ZNF503: variants seen among roughly 807,000 people sequenced by gnomAD.
ZNF503 encodes zinc finger protein 503, also known as NocA-like zinc finger 2.
In ZNF503, 15 loss-of-function variants were observed where a neutral mutation model predicts 34.4. The observed-to-expected ratio is 0.44, with a 90% CI of 0.29 to 0.67. The LOEUF (loss-of-function observed/expected upper bound fraction) is 0.67. ZNF503 is among the 30% of genes least tolerant of loss of function. ZNF503 has a pLI of 0.13. For missense variants in ZNF503, 1,007 were observed against 926.8 expected, an observed-to-expected ratio of 1.09 and a Z score of -1.12; for synonymous variants, 580 against 456.8, an observed-to-expected ratio of 1.27 and a Z score of -3.44.
the ZNF503 span, among the ~76,000 whole-genome samples, chr10:75,379,635 C>T: frequency 6.6e-6 from 1 of 152,174 alleles, no homozygotes; most frequent in Non-Finnish European, 1.5e-5. Context: ...TTAGGCGGAT[C>T]TTCAGGAACA....
the ZNF503 span, among the ~76,000 whole-genome samples, chr10:75,326,540 C>T: frequency 2.6e-5 from 4 of 151,834 alleles, no homozygotes; most frequent in Non-Finnish European, 5.9e-5. Context: ...TTCCAGATAT[C>T]TTTCATTGTT....
At chr10:75,324,793 C>T in the ZNF503 span, among the ~76,000 whole-genome samples, 1 of 151,990 alleles carries the variant, frequency 6.6e-6, no homozygotes, top group African/African-American at 2.4e-5. Flanking sequence ...CATTTTATTC[C>T]CATGCTTATT....
the ZNF503 span, among the ~76,000 whole-genome samples, chr10:75,375,942 G>C: frequency 6.6e-6 from 1 of 152,216 alleles, no homozygotes; most frequent in Non-Finnish European, 1.5e-5. Flanking sequence ...CTTCACAGAG[G>C]AGGAAGTGAG....
chr10:75,300,055 A>G, the ZNF503 span, among the ~76,000 whole-genome samples: 1 of 152,226 alleles, frequency 6.6e-6, no homozygotes, highest in Non-Finnish European at 1.5e-5. Context: ...TGGGAGCGCT[A>G]TGGGAGACTG....
the ZNF503 span, among the ~76,000 whole-genome samples, chr10:75,389,280 C>G: frequency 6.6e-6 from 1 of 152,298 alleles, no homozygotes; most frequent in South Asian, 2.1e-4. Context: ...ATACTCAGTG[C>G]CCCTCCTGGT....
the ZNF503 span, among the ~76,000 whole-genome samples, chr10:75,340,693 G>C: frequency 6.6e-6 from 1 of 152,128 alleles, no homozygotes; most frequent in African/African-American, 2.4e-5. Flanking sequence ...CCACTTCCCA[G>C]GTTCGAGCGA....
At chr10:75,397,731 A>G (rs10762666), downstream of ZNF503, 115,936 of 152,328 alleles carry the variant, frequency 0.76, 44,272 homozygotes, top group East Asian at 0.87. Flanking sequence ...TCGGAAATTC[A>G]GCCACGGTCC....
At chr10:75,367,674 A>G in the ZNF503 span, among the ~76,000 whole-genome samples, 1 of 152,226 alleles carries the variant, frequency 6.6e-6, no homozygotes, top group African/African-American at 2.4e-5. Flanking sequence ...CGATTTGCAT[A>G]TAATATATAA....
rs1589132525 is a variant in ZNF503 at position 75,397,910 on chromosome 10, G to A, written c.*839C>T. 1.3e-5 allele frequency: 2 copies of A among 152,644 alleles called. No homozygotes were observed. The highest frequency in any genetic ancestry group is 2.9e-5 in the Non-Finnish European group (2 of 68,044). The allele number at this position is 152,644 out of a possible 1,614,324, so 9.5% of individuals were successfully genotyped here. ...TACATTGTCTATTATTTTAGTACAT[G>A]ACGTAAACCTTGTCCCCTTCTCAGC... On this transcript the variant is annotated 3_prime_UTR_variant, in exon 2 of 2. Transcript: ENST00000372524.
chr10:75,366,193 T>C, the ZNF503 span, among the ~76,000 whole-genome samples: 1 of 152,084 alleles, frequency 6.6e-6, no homozygotes, highest in South Asian at 2.1e-4. Flanking sequence ...TGGCAGCAAA[T>C]AGGTTTGAGC....
the ZNF503 span, among the ~76,000 whole-genome samples, chr10:75,316,273 T>C: frequency 6.6e-6 from 1 of 152,092 alleles, no homozygotes; most frequent in Admixed American, 6.5e-5. Flanking sequence ...GCATACACAT[T>C]CTTCTCAAGT....
chr10:75,380,428 G>A, the ZNF503 span, among the ~76,000 whole-genome samples: 5 of 152,142 alleles, frequency 3.3e-5, no homozygotes, highest in African/African-American at 1.2e-4. Context: ...ATGGGGCCCT[G>A]GAGCTCAGCA....
the ZNF503 span, among the ~76,000 whole-genome samples, chr10:75,365,338 G>A: frequency 6.6e-6 from 1 of 152,146 alleles, no homozygotes; most frequent in African/African-American, 2.4e-5. Flanking sequence ...AGTAGAGACG[G>A]GGTTTCACTA....
chr10:75,296,935 G>A, the ZNF503 span, among the ~76,000 whole-genome samples: 89 of 152,210 alleles, frequency 5.8e-4, no homozygotes, highest in Non-Finnish European at 1.1e-3. Flanking sequence ...TTCTCTCCTG[G>A]CTGTGATTCC....
chr10:75,351,773 C>T, the ZNF503 span, among the ~76,000 whole-genome samples: 14 of 152,158 alleles, frequency 9.2e-5, no homozygotes, highest in Admixed American at 9.2e-4. Flanking sequence ...CATTTGGATA[C>T]AGTGGAAAGA....
At chr10:75,351,101 T>C in the ZNF503 span, among the ~76,000 whole-genome samples, 4,497 of 151,128 alleles carry the variant, frequency 0.03, 88 homozygotes, top group Non-Finnish European at 0.049. Context: ...GATGGGGATC[T>C]TATCTCAACA....
chr10:75,302,068 C>A, the ZNF503 span, among the ~76,000 whole-genome samples: 1 of 152,200 alleles, frequency 6.6e-6, no homozygotes, highest in African/African-American at 2.4e-5. Context: ...AACATATAAT[C>A]TCAGTCTTTG....
At chr10:75,360,855 A>C in the ZNF503 span, 5 of 152,376 alleles carry the variant, frequency 3.3e-5, no homozygotes, top group East Asian at 9.6e-4. Flanking sequence ...TTAAGATCTT[A>C]GTTGTGTTCA....
At chr10:75,328,534 TG>T in the ZNF503 span, among the ~76,000 whole-genome samples, 3 of 152,200 alleles carry the variant, frequency 2.0e-5, no homozygotes, top group Admixed American at 2.0e-4. Context: ...GGTATTATGA[TG>T]CCTCCAGCTT....
Sources: allele counts gnomAD v4.1 joint callset (sites outside exome capture counted in the v4.1 genomes callset), GRCh38; gene constraint gnomAD v4.1.1; transcripts MANE v1.5; gene names NCBI Gene and HGNC (gene_info 2026-07-23, HGNC 2026-07-21).